PCDHGA4: variants seen among roughly 807,000 people sequenced by gnomAD.
PCDHGA4 encodes the protein protocadherin gamma subfamily A, 4, also known as protocadherin gamma-A4.
PCDHGA4 carries 38 observed loss-of-function variants against 54.6 expected under a neutral mutation model. The observed-to-expected ratio is 0.70, with a 90% CI of 0.54 to 0.91. The LOEUF is 0.91. PCDHGA4 is among the 40% of genes least tolerant of loss of function. PCDHGA4 has a pLI of 0.00. For synonymous variants in PCDHGA4, 511 were observed against 512.9 expected (o/e 1.00, Z 0.05); for missense variants, 1,298 against 1,220.9 (o/e 1.06, Z -0.94).
intron 1 of PCDHGA4, chr5:141,422,905 G>A: frequency 6.2e-7 from 1 of 1,614,260 alleles, no homozygotes; most frequent in South Asian, 1.1e-5. Flanking sequence ...GAACGACAAT[G>A]CGCCCGAGAT....
intron 1 of PCDHGA4, among the ~76,000 whole-genome samples, chr5:141,470,483 G>T (rs1163257164): frequency 6.6e-6 from 1 of 152,112 alleles, no homozygotes; most frequent in African/African-American, 2.4e-5. Context: ...CTAACCCTCT[G>T]GGAATAATAT....
At chr5:141,445,254 AAT>A (rs1214840265) in intron 1 of PCDHGA4, among the ~76,000 whole-genome samples, 49 of 152,350 alleles carry the variant, frequency 3.2e-4, no homozygotes, top group Non-Finnish European at 5.9e-5. Context: ...ATTGTGTGAG[AAT>A]ATAAGTCGAA....
At chr5:141,366,451 C>T (rs372498112) in intron 1 of PCDHGA4, 14 of 1,614,228 alleles carry the variant, frequency 8.7e-6, no homozygotes, top group Non-Finnish European at 1.0e-5. Flanking sequence ...TCCTGGCCTT[C>T]GTCATCGTGC....
chr5:141,385,182 G>T (rs374159387), intron 1 of PCDHGA4: 2 of 1,614,138 alleles, frequency 1.2e-6, no homozygotes, highest in Non-Finnish European at 8.5e-7. Flanking sequence ...CCCTCACCGC[G>T]GACTCTCGGA....
Position 141,432,503 on chromosome 5 carries a change from G to A in PCDHGA4, c.2515-62304G>A, listed in dbSNP as rs939325676. On this transcript the variant is annotated intron_variant, in intron 1 of 3. Transcript: ENST00000571252. This position sits in a 1 kb window ranked among gnomAD's most constrained non-coding sequence, Gnocchi z 6.0. ...TGGCGTGGAGCTGGCTCCCCGCTCC[G>A]CAGAGCCCGGCTACCTGGTGACCAA... 5 of 1,613,988 alleles carry A rather than the reference G, an allele frequency of 3.1e-6. No individual in the cohort carries two copies. Among genetic ancestry groups the A allele is most frequent in the Non-Finnish European group, 2.5e-6 (3 of 1,180,038 alleles).
At chr5:141,392,806 A>C (rs2092599321) in intron 1 of PCDHGA4, 1 of 1,576,662 alleles carries the variant, frequency 6.3e-7, no homozygotes, top group Non-Finnish European at 8.6e-7. Flanking sequence ...TTCTGCAGCA[A>C]AACAACAATG....
intron 1 of PCDHGA4, among the ~76,000 whole-genome samples, chr5:141,465,094 G>GT (rs138941665): frequency 0.11 from 15,577 of 148,094 alleles, 909 homozygotes; most frequent in African/African-American, 0.15. Flanking sequence ...TTTTCTAGTA[G>GT]TTTTTTTTTT....
intron 1 of PCDHGA4, among the ~76,000 whole-genome samples, chr5:141,492,409 C>G (rs1367119266): frequency 6.6e-6 from 1 of 152,230 alleles, no homozygotes; most frequent in Non-Finnish European, 1.5e-5. Flanking sequence ...TCCCCTCTGC[C>G]GCTCCCTCCG....
At chr5:141,449,876 C>T (rs924666805) in intron 1 of PCDHGA4, among the ~76,000 whole-genome samples, 1 of 151,724 alleles carries the variant, frequency 6.6e-6, no homozygotes, top group African/African-American at 2.4e-5. Context: ...AATTTAACAT[C>T]AATGCAATAT....
At chr5:141,450,792 G>T (rs1222162745) in intron 1 of PCDHGA4, among the ~76,000 whole-genome samples, 2 of 149,686 alleles carry the variant, frequency 1.3e-5, no homozygotes, top group Non-Finnish European at 3.0e-5. Context: ...CGGACCTCAT[G>T]ATTGTATTTA....
intron 1 of PCDHGA4, chr5:141,420,098 A>G: frequency 6.2e-7 from 1 of 1,614,034 alleles, no homozygotes; most frequent in African/African-American, 1.3e-5. Flanking sequence ...CAGTGAGGGA[A>G]CGTTGCCCTA....
chr5:141,501,017 C>T (rs1383853662), intron 2 of PCDHGA4, among the ~76,000 whole-genome samples: 5 of 151,866 alleles, frequency 3.3e-5, no homozygotes, highest in African/African-American at 7.3e-5. Flanking sequence ...TACAGGCACG[C>T]GCCACCACGC....
At chr5:141,423,572 G>A (rs1239529114) in intron 1 of PCDHGA4, 1 of 1,613,510 alleles carries the variant, frequency 6.2e-7, no homozygotes, top group Admixed American at 1.7e-5. Flanking sequence ...ACGCTCATCA[G>A]CCAGGAGAGC....
rs1207647899 is a variant in PCDHGA4, at chr5:141,491,938, C to T, written c.2515-2869C>T. The T allele has an allele frequency of 1.6e-5, 19 of 1,199,190 alleles. No homozygotes were observed. Among genetic ancestry groups the T allele is most frequent in the Non-Finnish European group, 2.1e-5 (18 of 875,372 alleles). 74.3% of individuals were successfully genotyped at this position (1,199,190 alleles called of 1,614,324 possible). ...TGTGGGCGAGGGGAGGTGGGACCGA[C>T]CCCCACCCCTACACTCAAAAAAGGC... is the stretch of plus-strand genomic sequence containing the variant. On this transcript the variant is annotated intron_variant, in intron 1 of 3. Coordinates refer to ENST00000571252, the MANE Select transcript of PCDHGA4 (RefSeq NM_018917.4). This position sits in a 1 kb window ranked among gnomAD's most constrained non-coding sequence, Gnocchi z 6.9.
At chr5:141,460,780 A>G (rs1387522399) in intron 1 of PCDHGA4, among the ~76,000 whole-genome samples, 3 of 152,042 alleles carry the variant, frequency 2.0e-5, no homozygotes, top group Non-Finnish European at 4.4e-5. Context: ...GTATGTATAC[A>G]TATATACACA....
chr5:141,419,275 G>T (rs777238100), intron 1 of PCDHGA4: 35 of 1,613,856 alleles, frequency 2.2e-5, no homozygotes, highest in Non-Finnish European at 2.9e-5. Flanking sequence ...CCTCCATAGC[G>T]CAAGTCAGTG....
intron 1 of PCDHGA4, chr5:141,398,136 C>G: frequency 6.4e-7 from 1 of 1,556,004 alleles, no homozygotes; most frequent in Non-Finnish European, 8.6e-7. Flanking sequence ...GGATGGGGAG[C>G]GGCGCCGGGG....
At chr5:141,388,781 T>C (rs770000046) in intron 1 of PCDHGA4, 3 of 1,613,832 alleles carry the variant, frequency 1.9e-6, no homozygotes, top group Non-Finnish European at 2.5e-6. Flanking sequence ...CCGGGGAAAT[T>C]ACTGTTTTAA....
At chr5:141,480,497 A>G (rs909585240) in intron 1 of PCDHGA4, among the ~76,000 whole-genome samples, 6 of 152,236 alleles carry the variant, frequency 3.9e-5, no homozygotes, top group Non-Finnish European at 8.8e-5. Flanking sequence ...CCTTAGAAAT[A>G]CACATATGAG....
Sources: gnomAD v4.1 joint callset for allele counts (sites outside exome capture counted in the v4.1 genomes callset) on GRCh38, gnomAD v4.1.1 for gene constraint, Gnocchi (gnomAD v3.1) non-coding constraint, MANE v1.5 for transcripts, NCBI Gene and HGNC (gene_info 2026-07-23, HGNC 2026-07-21) for gene names.